The following NLGN1 variants were observed in gnomAD, a reference collection of about 807,000 sequenced individuals.
NLGN1 encodes the protein neuroligin 1.
Under a neutral mutation model 65.5 loss-of-function variants are expected in NLGN1, and 12 were observed. The ratio of observed to expected loss-of-function variants is 0.18; its 90% CI spans 0.12 to 0.30. The LOEUF (loss-of-function observed/expected upper bound fraction) is 0.30, where lower values mean the gene tolerates loss of function less well. NLGN1 is among the 10% of genes least tolerant of loss of function. The probability of loss-of-function intolerance (pLI) is 1.00; values close to 1 mark genes in which losing one functional copy is unlikely to be tolerated. For missense variants in NLGN1, 750 were observed against 1,007.1 expected (o/e 0.74, Z 3.46); for synonymous variants, 350 against 359.5 (o/e 0.97, Z 0.30).
chr3:173,727,156 G>A (rs1553820569), intron 3 of NLGN1, among the ~76,000 whole-genome samples: 1 of 152,084 alleles, frequency 6.6e-6, no homozygotes, highest in Non-Finnish European at 1.5e-5. Context: ...CTGTTGGGAG[G>A]AAAAAGCAAC....
At chr3:173,919,621 C>G (rs1340066337) in intron 4 of NLGN1, among the ~76,000 whole-genome samples, 1 of 152,162 alleles carries the variant, frequency 6.6e-6, no homozygotes, top group South Asian at 2.1e-4. Flanking sequence ...AGGTCATGCT[C>G]TGTCTATAAC....
intron 4 of NLGN1, among the ~76,000 whole-genome samples, chr3:173,873,928 TCCC>T (rs1731652243): frequency 6.6e-6 from 1 of 152,050 alleles, no homozygotes; most frequent in Non-Finnish European, 1.5e-5. Context: ...TAGGCTCTAA[TCCC>T]ATATGACTGG....
intron 2 of NLGN1, among the ~76,000 whole-genome samples, chr3:173,502,735 C>T (rs777635092): frequency 5.9e-5 from 9 of 151,926 alleles, no homozygotes; most frequent in African/African-American, 1.7e-4. Flanking sequence ...AGAGAAATAG[C>T]AGACGGCACA....
At chr3:173,703,607 A>G (rs1767591078) in intron 3 of NLGN1, among the ~76,000 whole-genome samples, 5 of 152,240 alleles carry the variant, frequency 3.3e-5, no homozygotes, top group Admixed American at 3.3e-4. Flanking sequence ...TTAAGAAACA[A>G]AAAATAATTA....
At chr3:173,964,761 T>C (rs1714423414) in intron 4 of NLGN1, among the ~76,000 whole-genome samples, 1 of 152,224 alleles carries the variant, frequency 6.6e-6, no homozygotes, top group Non-Finnish European at 1.5e-5. Flanking sequence ...TAGATTTATA[T>C]ATTTATGTTC....
intron 4 of NLGN1, among the ~76,000 whole-genome samples, chr3:173,963,224 G>T (rs544500772): frequency 6.6e-6 from 1 of 152,214 alleles, no homozygotes; most frequent in Admixed American, 6.5e-5. Context: ...AAAGCAATGG[G>T]CGCCAGGGGG....
intron 2 of NLGN1, among the ~76,000 whole-genome samples, chr3:173,564,932 C>T (rs1052074889): frequency 6.6e-6 from 1 of 152,118 alleles, no homozygotes; most frequent in African/African-American, 2.4e-5. Context: ...CCTCTATTTG[C>T]TGGACACTGA....
intron 4 of NLGN1, among the ~76,000 whole-genome samples, chr3:173,981,091 A>G (rs1718670847): frequency 6.6e-6 from 1 of 152,120 alleles, no homozygotes; most frequent in African/African-American, 2.4e-5. Flanking sequence ...GAGTCACAAG[A>G]AACTTGATTT....
intron 3 of NLGN1, among the ~76,000 whole-genome samples, chr3:173,721,926 C>T (rs1300587541): frequency 5.4e-5 from 7 of 129,774 alleles, no homozygotes; most frequent in Admixed American, 1.7e-4. Context: ...TGATGGGCAA[C>T]ATGAATATCT....
chr3:173,402,253 C>T (rs1372495798), intron 1 of NLGN1, among the ~76,000 whole-genome samples: 1 of 152,124 alleles, frequency 6.6e-6, no homozygotes, highest in Non-Finnish European at 1.5e-5. Flanking sequence ...AATAAGTACT[C>T]TTGGATTCTA....
intron 3 of NLGN1, among the ~76,000 whole-genome samples, chr3:173,606,334 C>G (rs1166068167): frequency 2.0e-5 from 3 of 152,058 alleles, no homozygotes; most frequent in East Asian, 1.9e-4. Flanking sequence ...CTGACAGCTG[C>G]AAGCTTGCAT....
intron 4 of NLGN1, among the ~76,000 whole-genome samples, chr3:173,998,821 G>C (rs968018781): frequency 1.0e-3 from 157 of 152,138 alleles, no homozygotes; most frequent in African/African-American, 3.5e-3. Context: ...TGAAATATTG[G>C]TGTGATTCGG....
chr3:173,471,252 G>A (rs546883365), intron 2 of NLGN1, among the ~76,000 whole-genome samples: 2 of 152,126 alleles, frequency 1.3e-5, no homozygotes, highest in South Asian at 2.1e-4. Flanking sequence ...AACAAATTAG[G>A]TGGATTTAGC....
chr3:173,519,611 G>A (rs904929396), intron 2 of NLGN1, among the ~76,000 whole-genome samples: 3 of 152,148 alleles, frequency 2.0e-5, no homozygotes, highest in Non-Finnish European at 2.9e-5. Context: ...TTGAACTTGT[G>A]TGGGGCCTGT....
intron 4 of NLGN1, among the ~76,000 whole-genome samples, chr3:174,024,652 G>A (rs1408637854): frequency 6.6e-6 from 1 of 152,144 alleles, no homozygotes; most frequent in Non-Finnish European, 1.5e-5. Flanking sequence ...TCAGTGCTGT[G>A]GAAGGCTCTG....
chr3:174,024,564 T>C (rs1344534777), intron 4 of NLGN1, among the ~76,000 whole-genome samples: 1 of 152,206 alleles, frequency 6.6e-6, no homozygotes, highest in Admixed American at 6.5e-5. Flanking sequence ...GACTGTAATT[T>C]GTATGTGGCC....
chr3:174,035,389 G>C (rs963193789), intron 4 of NLGN1, among the ~76,000 whole-genome samples: 3 of 152,132 alleles, frequency 2.0e-5, no homozygotes, highest in African/African-American at 7.2e-5. Flanking sequence ...TGCTGCTCAG[G>C]TAGGCAAGAG....
chr3:173,531,303 A>G (rs747991144), intron 2 of NLGN1, among the ~76,000 whole-genome samples: 2 of 152,136 alleles, frequency 1.3e-5, no homozygotes, highest in African/African-American at 2.4e-5. Context: ...TTTGGTATAA[A>G]TGTAGAAAAA....
intron 4 of NLGN1, among the ~76,000 whole-genome samples, chr3:174,002,712 G>A (rs1411813271): frequency 6.6e-6 from 1 of 151,956 alleles, no homozygotes; most frequent in Admixed American, 6.6e-5. Flanking sequence ...AAATTTTTTT[G>A]CCTGGCAAAG....
Sources: gnomAD v4.1 joint callset for allele counts (sites outside exome capture counted in the v4.1 genomes callset) on GRCh38, gnomAD v4.1.1 for gene constraint, MANE v1.5 for transcripts, NCBI Gene and HGNC (gene_info 2026-07-23, HGNC 2026-07-21) for gene names.